MAD1L1: variants seen among roughly 807,000 people sequenced by gnomAD.
The protein encoded by MAD1L1 is mitotic spindle assembly checkpoint protein MAD1.
In MAD1L1, 95 loss-of-function variants were observed where a neutral mutation model predicts 96.9. That is an observed-to-expected ratio of 0.98 (90% CI 0.83 to 1.16). The LOEUF is 1.16. Among genes scored for constraint, MAD1L1 ranks in the 50% most tolerant of loss-of-function variants. The pLI is 0.00. For missense variants in MAD1L1, 1,007 were observed against 954.4 expected, an observed-to-expected ratio of 1.06 and a Z score of -0.73; for synonymous variants, 473 against 396.6, an observed-to-expected ratio of 1.19 and a Z score of -2.29.
chr7:2,008,464 G>A (rs563225751), intron 13 of MAD1L1, among the ~76,000 whole-genome samples: 3 of 152,230 alleles, frequency 2.0e-5, no homozygotes, highest in Admixed American at 1.3e-4. Context: ...TGGCCACAGC[G>A]TCCTCACCTC....
chr7:2,056,568 A>T (rs922814703), intron 12 of MAD1L1, among the ~76,000 whole-genome samples: 2 of 152,196 alleles, frequency 1.3e-5, no homozygotes, highest in Non-Finnish European at 1.5e-5. Context: ...TCCACGACCC[A>T]TCTGCAAAGC....
chr7:1,827,608 GGGT>G lies in MAD1L1; in HGVS notation c.1999-11383_1999-11381del, dbSNP rs1782482586. The stretch of plus-strand genomic sequence containing the variant: ...CCCTCCTGAGCCCGTCCCGGGTGTG[GGGT>G]CCTCCCCTCCTGAGCCCCGCCCGGG... On this transcript the variant is annotated intron_variant, in intron 18 of 18. Coordinates refer to ENST00000265854, the MANE Select transcript of MAD1L1 (RefSeq NM_001013836.2). 2.6e-5 allele frequency among the ~76,000 whole-genome samples: 3 copies of G among 115,434 alleles called. 1 individual carries two copies. The highest frequency in any genetic ancestry group is 2.4e-4 in the Admixed American group (3 of 12,680). 75.7% of individuals were successfully genotyped at this position (115,434 alleles called of 152,430 possible).
intron 17 of MAD1L1, among the ~76,000 whole-genome samples, chr7:1,930,701 A>G (rs992817908): frequency 2.7e-5 from 4 of 150,818 alleles, no homozygotes; most frequent in African/African-American, 9.8e-5. Flanking sequence ...CTGACCCCCG[A>G]GATGCTGGGT....
chr7:1,971,633 A>T (rs1420358844), intron 15 of MAD1L1, among the ~76,000 whole-genome samples: 3 of 152,166 alleles, frequency 2.0e-5, no homozygotes, highest in Non-Finnish European at 2.9e-5. Flanking sequence ...TCTCTCTCAA[A>T]ATCCCGGTAA....
intron 18 of MAD1L1, among the ~76,000 whole-genome samples, chr7:1,854,610 A>AC (rs1784152814): frequency 6.6e-6 from 1 of 151,582 alleles, no homozygotes; most frequent in Admixed American, 6.6e-5. Flanking sequence ...CCTCCCGAAG[A>AC]CCCCGCCTCC....
chr7:2,025,571 A>G (rs1782960695), intron 12 of MAD1L1, among the ~76,000 whole-genome samples: 1 of 152,258 alleles, frequency 6.6e-6, no homozygotes, highest in Non-Finnish European at 1.5e-5. Flanking sequence ...GACAGAAGAA[A>G]AACGATTGCA....
At chr7:1,839,959 G>A (rs1382786510) in intron 18 of MAD1L1, among the ~76,000 whole-genome samples, 4 of 152,218 alleles carry the variant, frequency 2.6e-5, no homozygotes. Flanking sequence ...ATCCCTGCTG[G>A]AAGACGTGCC....
chr7:2,145,236 A>C (rs917817999), intron 11 of MAD1L1, among the ~76,000 whole-genome samples: 1 of 152,074 alleles, frequency 6.6e-6, no homozygotes, highest in African/African-American at 2.4e-5. Flanking sequence ...GCAGCCCCAC[A>C]GACACTCTCT....
intron 14 of MAD1L1, among the ~76,000 whole-genome samples, chr7:1,996,084 A>T (rs1477988525): frequency 6.6e-6 from 1 of 152,166 alleles, no homozygotes; most frequent in African/African-American, 2.4e-5. Flanking sequence ...ACCAGTGAAG[A>T]TAGAGGCACC....
intron 18 of MAD1L1, among the ~76,000 whole-genome samples, chr7:1,823,068 A>G (rs1173934239): frequency 2.0e-5 from 3 of 152,118 alleles, no homozygotes; most frequent in Admixed American, 1.3e-4. Context: ...GTAATCTGCT[A>G]TATCAACAGG....
chr7:2,228,674 T>C (rs972838808), intron 3 of MAD1L1, among the ~76,000 whole-genome samples: 2 of 151,966 alleles, frequency 1.3e-5, no homozygotes, highest in Non-Finnish European at 2.9e-5. Flanking sequence ...TATATATATA[T>C]ATGACCTAAT....
At chr7:2,016,135 C>G (rs1782528857) in intron 12 of MAD1L1, among the ~76,000 whole-genome samples, 1 of 152,204 alleles carries the variant, frequency 6.6e-6, no homozygotes, top group African/African-American at 2.4e-5. Flanking sequence ...GCCAGCTGCC[C>G]TGGAAACAAC....
At chr7:2,038,607 G>C (rs1448948135) in intron 12 of MAD1L1, among the ~76,000 whole-genome samples, 1 of 147,958 alleles carries the variant, frequency 6.8e-6, no homozygotes, top group Admixed American at 6.9e-5. Context: ...CCGCCTTCTG[G>C]GTTCAAGCAA....
At chr7:2,228,249 C>T (rs1036201530) in intron 3 of MAD1L1, among the ~76,000 whole-genome samples, 16 of 152,124 alleles carry the variant, frequency 1.1e-4, no homozygotes, top group Non-Finnish European at 2.9e-5. Flanking sequence ...AGGTCCCAGA[C>T]ATTCGCAACA....
chr7:1,916,987 G>A (rs897692315), intron 17 of MAD1L1, among the ~76,000 whole-genome samples: 1 of 152,002 alleles, frequency 6.6e-6, no homozygotes, highest in Non-Finnish European at 1.5e-5. Flanking sequence ...CTTCTCCAGT[G>A]TCCTCCAGTC....
At chr7:2,144,698 C>G (rs2128577259) in intron 11 of MAD1L1, among the ~76,000 whole-genome samples, 1 of 152,214 alleles carries the variant, frequency 6.6e-6, no homozygotes, top group Middle Eastern at 3.4e-3. Context: ...GGAAGGGAGG[C>G]TACAGGGCAG....
At chr7:1,829,984 C>A (rs1782626918) in intron 18 of MAD1L1, among the ~76,000 whole-genome samples, 1 of 152,128 alleles carries the variant, frequency 6.6e-6, no homozygotes, top group Non-Finnish European at 1.5e-5. Context: ...TATCTCCCCC[C>A]AAATAAAGAC....
intron 15 of MAD1L1, among the ~76,000 whole-genome samples, chr7:1,964,203 C>A (rs530316224): frequency 6.6e-6 from 1 of 152,296 alleles, no homozygotes; most frequent in South Asian, 2.1e-4. Context: ...GTGGGGGCCT[C>A]CAAGGCCATC....
intron 14 of MAD1L1, among the ~76,000 whole-genome samples, chr7:1,990,458 G>A (rs1781358328): frequency 6.6e-6 from 1 of 152,210 alleles, no homozygotes; most frequent in Admixed American, 6.5e-5. Flanking sequence ...CAGCCTGGAG[G>A]AGACACAGGC....
Sources: allele counts gnomAD v4.1 joint callset (sites outside exome capture counted in the v4.1 genomes callset), GRCh38; gene constraint gnomAD v4.1.1; transcripts MANE v1.5; gene names NCBI Gene and HGNC (gene_info 2026-07-23, HGNC 2026-07-21).